The following SLC24A2 variants were observed in gnomAD, a reference collection of about 807,000 sequenced individuals.
SLC24A2 encodes sodium/potassium/calcium exchanger 2.
Under a neutral mutation model 62.0 loss-of-function variants are expected in SLC24A2, and 36 were observed. That is an observed-to-expected ratio of 0.58 (90% CI 0.44 to 0.77). SLC24A2 has a LOEUF of 0.77. Among genes scored for constraint, SLC24A2 ranks in the 30% least tolerant of loss-of-function variants. The pLI is 0.00. For missense variants in SLC24A2, 846 were observed against 817.9 expected (o/e 1.03, Z -0.42); for synonymous variants, 358 against 294.0 (o/e 1.22, Z -2.23).
chr9:19,793,637 C>T (rs989129016), upstream of SLC24A2, among the ~76,000 whole-genome samples: 1 of 152,094 alleles, frequency 6.6e-6, no homozygotes, highest in Non-Finnish European at 1.5e-5. Context: ...TATTATTATC[C>T]ACAGATGAAG....
the SLC24A2 span, among the ~76,000 whole-genome samples, chr9:20,023,467 C>T: frequency 1.3e-5 from 2 of 152,172 alleles, no homozygotes; most frequent in African/African-American, 2.4e-5. Context: ...TTGGAAAGTG[C>T]ACAATCTTTG....
At position 19,658,598 on chromosome 9, in the gene SLC24A2, C is replaced by T. The variant is rs529699536; in HGVS notation, c.931-36299G>A. Among the ~76,000 whole-genome samples the T allele has an allele frequency of 2.6e-5, 4 of 152,332 alleles. No homozygotes were observed. In the East Asian group the frequency reaches 7.7e-4, roughly 29 times the overall value. On this transcript the variant is annotated intron_variant, in intron 2 of 10. Coordinates refer to ENST00000341998, the MANE Select transcript of SLC24A2 (RefSeq NM_020344.4). ...AAGTTAACAGGTTAGGTTAATTGTT[C>T]TCTGTTTGCCCCTCCATATCAAATC...
chr9:20,106,787 A>G, the SLC24A2 span, among the ~76,000 whole-genome samples: 1 of 152,192 alleles, frequency 6.6e-6, no homozygotes, highest in Non-Finnish European at 1.5e-5. Flanking sequence ...GAAAACTGGC[A>G]CAAGACAGGG....
At chr9:19,563,422 G>A (rs536376702) in intron 7 of SLC24A2, among the ~76,000 whole-genome samples, 1 of 152,158 alleles carries the variant, frequency 6.6e-6, no homozygotes, top group African/African-American at 2.4e-5. Context: ...CTCTTTGGAG[G>A]TTCCCAAACC....
the SLC24A2 span, among the ~76,000 whole-genome samples, chr9:20,102,662 T>C: frequency 2.7e-5 from 4 of 147,304 alleles, no homozygotes; most frequent in Non-Finnish European, 4.5e-5. Flanking sequence ...TAAAATGCAC[T>C]GCAAAAAAAA....
At chr9:20,114,536 A>G in the SLC24A2 span, among the ~76,000 whole-genome samples, 1 of 152,326 alleles carries the variant, frequency 6.6e-6, no homozygotes, top group South Asian at 2.1e-4. Flanking sequence ...ATAATGCAGT[A>G]CACCATCCCA....
chr9:20,038,884 G>T, the SLC24A2 span, among the ~76,000 whole-genome samples: 2 of 152,144 alleles, frequency 1.3e-5, no homozygotes, highest in African/African-American at 4.8e-5. Flanking sequence ...GTCTTAGAAA[G>T]AGAAAATCAA....
At chr9:20,256,048 A>T in the SLC24A2 span, among the ~76,000 whole-genome samples, 1 of 152,186 alleles carries the variant, frequency 6.6e-6, no homozygotes, top group Non-Finnish European at 1.5e-5. Context: ...AAGGGCAGAG[A>T]GTGAGAGAGA....
At chr9:20,038,126 T>A in the SLC24A2 span, among the ~76,000 whole-genome samples, 1 of 152,268 alleles carries the variant, frequency 6.6e-6, no homozygotes, top group South Asian at 2.1e-4. Flanking sequence ...TAAAATTGAA[T>A]CTCCCAAAAA....
chr9:19,519,513 C>T (rs1397395299), intron 10 of SLC24A2, among the ~76,000 whole-genome samples: 1 of 152,212 alleles, frequency 6.6e-6, no homozygotes, highest in Non-Finnish European at 1.5e-5. Flanking sequence ...AACTGAGAAA[C>T]ACTGTTTACA....
At chr9:20,027,515 T>C in the SLC24A2 span, among the ~76,000 whole-genome samples, 16 of 152,166 alleles carry the variant, frequency 1.1e-4, no homozygotes, top group Non-Finnish European at 1.6e-4. Flanking sequence ...TTGATGAACG[T>C]AGAGGACATT....
At chr9:20,002,469 G>A in the SLC24A2 span, among the ~76,000 whole-genome samples, 3 of 148,714 alleles carry the variant, frequency 2.0e-5, no homozygotes, top group East Asian at 6.0e-4. Flanking sequence ...TCAGGCATAA[G>A]CACAAAAGGA....
chr9:19,998,581 A>G, the SLC24A2 span, among the ~76,000 whole-genome samples: 1 of 152,186 alleles, frequency 6.6e-6, no homozygotes, highest in Non-Finnish European at 1.5e-5. Flanking sequence ...GAGGATTAGA[A>G]TTTTTAAGCA....
chr9:20,063,978 G>A, the SLC24A2 span, among the ~76,000 whole-genome samples: 1 of 152,144 alleles, frequency 6.6e-6, no homozygotes, highest in African/African-American at 2.4e-5. Context: ...CTACTCTTAA[G>A]AATCTACCTG....
At chr9:19,551,909 G>A (rs1006240) in intron 7 of SLC24A2, among the ~76,000 whole-genome samples, 33,218 of 152,164 alleles carry the variant, frequency 0.22, 4,452 homozygotes, top group Middle Eastern at 0.36. Context: ...AAAGGGATGC[G>A]AAGCCATATT....
chr9:20,202,735 A>G, the SLC24A2 span, among the ~76,000 whole-genome samples: 1 of 152,200 alleles, frequency 6.6e-6, no homozygotes, highest in African/African-American at 2.4e-5. Context: ...TGGATTACAG[A>G]AAAAGAAAAG....
the SLC24A2 span, among the ~76,000 whole-genome samples, chr9:20,111,871 A>G: frequency 1.3e-5 from 2 of 152,192 alleles, no homozygotes; most frequent in Admixed American, 6.6e-5. Context: ...TAAAATGAAA[A>G]TGTTCTTGTT....
intron 2 of SLC24A2, among the ~76,000 whole-genome samples, chr9:19,625,677 C>CT (rs975986950): frequency 7.6e-4 from 101 of 133,288 alleles, no homozygotes; most frequent in Non-Finnish European, 1.4e-3. Context: ...ATCCCATTTC[C>CT]TTTTTTTTCT....
chr9:19,885,418 T>C, the SLC24A2 span, among the ~76,000 whole-genome samples: 28 of 152,202 alleles, frequency 1.8e-4, no homozygotes, highest in African/African-American at 5.8e-4. Context: ...CTTTAATGTA[T>C]AGAGAACTTA....
Sources: allele counts gnomAD v4.1 joint callset (sites outside exome capture counted in the v4.1 genomes callset), GRCh38; gene constraint gnomAD v4.1.1; transcripts MANE v1.5; gene names NCBI Gene and HGNC (gene_info 2026-07-23, HGNC 2026-07-21).